Variants in ADGRG1 observed in about 807,000 individuals in gnomAD.
The protein encoded by ADGRG1 is 7-transmembrane protein with no EGF-like N-terminal domains-1.
ADGRG1 carries 53 observed loss-of-function variants against 73.5 expected under a neutral mutation model. That is an observed-to-expected ratio of 0.72 (90% confidence interval 0.58 to 0.91). ADGRG1 has a LOEUF of 0.91. Ranked by LOEUF, ADGRG1 falls within the 40% of genes least tolerant of loss-of-function variation. The pLI is 0.00. For synonymous variants in ADGRG1, 394 were observed against 374.4 expected (o/e 1.05, Z -0.60); for missense variants, 795 against 871.8 (o/e 0.91, Z 1.11).
chr16:57,630,508 C>T (rs2037513836), intron 1 of ADGRG1: 1 of 985,594 alleles, frequency 1.0e-6, no homozygotes, highest in Non-Finnish European at 1.2e-6. Context: ...TGCCCTGGCT[C>T]CCGTAGGCCT....
intron 4 of ADGRG1, chr16:57,653,698 A>G (rs1319843788): frequency 2.4e-6 from 2 of 829,230 alleles, no homozygotes; most frequent in Non-Finnish European, 2.9e-6. Flanking sequence ...GCTGAGTCCC[A>G]GGACAGCCCC....
chr16:57,653,153 T>A (rs1192253012), intron 3 of ADGRG1, 50 bp from the exon 4 acceptor site: 1 of 1,600,530 alleles, frequency 6.2e-7, no homozygotes, highest in Non-Finnish European at 8.5e-7. Flanking sequence ...GGGAGGGTCC[T>A]GGGACCTGAA....
chr16:57,660,936 G>T (rs2046938932), intron 12 of ADGRG1, 60 bp downstream of exon 12: 2 of 1,005,486 alleles, frequency 2.0e-6, no homozygotes, highest in Non-Finnish European at 3.1e-6. Context: ...AGGCCAGAGT[G>T]CAGCCCGGGC....
At chr16:57,647,362 G>C (rs750845288) in intron 1 of ADGRG1, 2 of 982,168 alleles carry the variant, frequency 2.0e-6, no homozygotes, top group Non-Finnish European at 1.2e-6. Context: ...GGGGCCGTAC[G>C]GGAAGAGGGG....
intron 1 of ADGRG1, chr16:57,633,211 G>T (rs1164772742): frequency 3.2e-6 from 2 of 624,124 alleles, no homozygotes; most frequent in East Asian, 2.8e-4. Context: ...GGCAAAAGTG[G>T]CTGCAAAGTA....
chr16:57,662,062 T>C (rs2047231269), intron 13 of ADGRG1, 97 bp downstream of exon 13: 1 of 981,276 alleles, frequency 1.0e-6, no homozygotes, highest in Non-Finnish European at 1.6e-6. Flanking sequence ...ACTTCCCTTC[T>C]CTGGGCCTCA....
chr16:57,648,403 C>CT, intron 1 of ADGRG1: 1 of 958,976 alleles, frequency 1.0e-6, no homozygotes, highest in Non-Finnish European at 1.2e-6. Flanking sequence ...TCTCAAAGGG[C>CT]TCTGTGATGC....
At chr16:57,653,541 T>C in intron 4 of ADGRG1, 1 of 985,318 alleles carries the variant, frequency 1.0e-6, no homozygotes, top group Non-Finnish European at 1.2e-6. Context: ...CAACATCACA[T>C]CCACCATCCC....
rs1014578566 is a variant in ADGRG1 at position 57,648,734 on chromosome 16, C to T, written c.-35-1519C>T. 47 of 982,346 alleles carry T rather than the reference C, an allele frequency of 4.8e-5. No homozygotes were observed. The South Asian group carries it at 7.5e-4, about 16-fold the overall frequency. The allele number at this position is 982,346 out of a possible 1,614,324, so 60.9% of individuals were successfully genotyped here. A position where few individuals can be genotyped will look rare whatever the true frequency, so the allele number is the denominator to read the frequency against. Reference sequence around the variant, plus strand: ...CCTCTGTCACTGTGGCCAGCTGCCGCGCCACGCAGGATGAGGTTCTGTCTG... The same window carrying T: ...CCTCTGTCACTGTGGCCAGCTGCCGTGCCACGCAGGATGAGGTTCTGTCTG... On this transcript the variant is annotated intron_variant, in intron 1 of 13. Transcript: ENST00000562631.
intron 9 of ADGRG1, 57 bp downstream of exon 9, chr16:57,656,674 G>A: frequency 1.9e-6 from 2 of 1,032,030 alleles, no homozygotes; most frequent in Non-Finnish European, 3.1e-6. Context: ...CTTGTTCTGT[G>A]CAAGCACTTT....
intron 1 of ADGRG1, among the ~76,000 whole-genome samples, chr16:57,634,732 C>T (rs60508840): frequency 0.022 from 3,379 of 152,310 alleles, 124 homozygotes; most frequent in African/African-American, 0.078. Context: ...ACTTTGGCAT[C>T]GCATGGGGCT....
upstream of ADGRG1, chr16:57,628,191 T>G (rs570210441): frequency 4.1e-6 from 4 of 985,028 alleles, no homozygotes; most frequent in East Asian, 3.4e-4. Context: ...TCCCGTCGGC[T>G]GCCAAGGAGG....
At chr16:57,634,555 T>A in intron 1 of ADGRG1, 1 of 842,150 alleles carries the variant, frequency 1.2e-6, no homozygotes, top group Non-Finnish European at 1.4e-6. Flanking sequence ...AGATGAGGAA[T>A]CAGGCCCAAG....
intron 1 of ADGRG1, chr16:57,643,431 G>T (rs1371792007): frequency 3.2e-6 from 1 of 317,190 alleles, no homozygotes; most frequent in African/African-American, 2.2e-5. Context: ...GGCTGGCAGG[G>T]AGTGCCCCAA....
At chr16:57,652,622 C>T (rs2148287538) in intron 3 of ADGRG1, 1 of 984,950 alleles carries the variant, frequency 1.0e-6, no homozygotes, top group East Asian at 1.1e-4. Flanking sequence ...TTTCAAATCA[C>T]CTAAAACCCA....
intron 1 of ADGRG1, among the ~76,000 whole-genome samples, chr16:57,644,604 G>A (rs1220222043): frequency 7.1e-6 from 1 of 140,406 alleles, no homozygotes; most frequent in Admixed American, 7.2e-5. Context: ...ACTCATGCAA[G>A]GGCACACACC....
chr16:57,648,649 T>C (rs1849748436), intron 1 of ADGRG1: 30 of 984,020 alleles, frequency 3.0e-5, no homozygotes, highest in Non-Finnish European at 3.5e-5. Context: ...CTGAAAGTCC[T>C]CCTTGGTTTC....
upstream of ADGRG1, among the ~76,000 whole-genome samples, chr16:57,627,556 C>T (rs1472541902): frequency 2.0e-5 from 3 of 152,222 alleles, no homozygotes; most frequent in African/African-American, 7.2e-5. Flanking sequence ...TTGGCAAGTA[C>T]CAGGCACTGG....
chr16:57,639,415 C>T, intron 1 of ADGRG1: 2 of 985,460 alleles, frequency 2.0e-6, no homozygotes, highest in Non-Finnish European at 2.4e-6. Context: ...CTGCTGTCAC[C>T]TGCGCCCCTT....
Sources: gnomAD v4.1 joint callset for allele counts (sites outside exome capture counted in the v4.1 genomes callset) on GRCh38, gnomAD v4.1.1 for gene constraint, MANE v1.5 for transcripts, NCBI Gene and HGNC (gene_info 2026-07-23, HGNC 2026-07-21) for gene names.